The following CBL variants were observed in gnomAD, a reference collection of about 807,000 sequenced individuals.
CBL encodes the protein E3 ubiquitin-protein ligase CBL.
In CBL, 45 loss-of-function variants were observed where a neutral mutation model predicts 96.9. That is an observed-to-expected ratio of 0.46 (90% CI 0.37 to 0.60). CBL has a LOEUF of 0.60. Among genes scored for constraint, CBL ranks in the 20% least tolerant of loss-of-function variants. The pLI, the probability that CBL is intolerant of heterozygous loss-of-function variation, is 0.00. For missense variants in CBL, 1,024 were observed against 1,143.5 expected, an observed-to-expected ratio of 0.90 and a Z score of 1.51; for synonymous variants, 420 against 426.8, an observed-to-expected ratio of 0.98 and a Z score of 0.20.
chr11:119,228,039 G>C (rs150695625), intron 1 of CBL, among the ~76,000 whole-genome samples: 14 of 151,714 alleles, frequency 9.2e-5, no homozygotes, highest in African/African-American at 2.9e-4. Context: ...ATTGGTCTCT[G>C]TCTGAACCTA....
chr11:119,298,678 C>G (rs1218443653), intron 15 of CBL, 138 bp downstream of exon 15: 3 of 803,270 alleles, frequency 3.7e-6, no homozygotes, highest in East Asian at 5.1e-5. Flanking sequence ...GAGGAAAGTC[C>G]CAAGTTAGGA....
chr11:119,227,128 C>T (rs1949465397), intron 1 of CBL, among the ~76,000 whole-genome samples: 1 of 147,684 alleles, frequency 6.8e-6, no homozygotes. Flanking sequence ...TATAACCATT[C>T]TGCCATTCTG....
In CBL at chr11:119,285,262, C is replaced by T. The variant is rs751274314; in HGVS notation, c.1637C>T (p.Pro546Leu). 11 of 1,614,060 alleles carry T rather than the reference C, an allele frequency of 6.8e-6. No individual in the cohort carries two copies. The highest frequency in any genetic ancestry group is 3.3e-5 in the South Asian group (3 of 91,088). ...PPTLRDLPPP[P>L]PPDRPYSVGA... Reference sequence around the variant, plus strand: ...ACACTTCGAGATCTTCCACCACCACCGCCTCCAGACCGGCCATATTCTGTT... The same window carrying T: ...ACACTTCGAGATCTTCCACCACCACTGCCTCCAGACCGGCCATATTCTGTT... The change falls in exon 11 of 16, where the codon CCG becomes CTG. Residue 546 changes from proline to leucine, a missense_variant. Physicochemically the swap from Pro to Leu is moderately conservative, Grantham distance 98. This residue lies in a region of CBL where 695 missense variants were observed against 661.6 expected (regional missense o/e 1.05). Transcript: ENST00000264033.
At chr11:119,292,904 T>TA (rs1430026297) in intron 12 of CBL, among the ~76,000 whole-genome samples, 1 of 152,230 alleles carries the variant, frequency 6.6e-6, no homozygotes, top group African/African-American at 2.4e-5. Flanking sequence ...AAACCCATTG[T>TA]AAATTGAAAG....
At position 119,304,630 on chromosome 11, in the gene CBL, A is replaced by C. The variant is rs886047796; in HGVS notation, c.*4849A>C. The C allele has an allele frequency of 5.5e-5, 11 of 199,222 alleles. No individual in the cohort carries two copies. Among genetic ancestry groups the C allele is most frequent in the Admixed American group, 4.4e-4 (7 of 16,044 alleles). 12.3% of individuals were successfully genotyped at this position (199,222 alleles called of 1,614,324 possible). ...ACAAATTCTCAATTTCCCATACTTA[A>C]TTTTTTTTTTTTTTGAGATGGAGTC... On this transcript the variant is annotated 3_prime_UTR_variant, in exon 16 of 16. Transcript: ENST00000264033.
chr11:119,299,802 G>C lies in CBL; in HGVS notation c.*21G>C. Reference sequence around the variant, plus strand: ...CCTAGCACACCATCTCCCTGCTGCAGGTTTAGAGGACCAGTGAGTTGGGAG... The same window carrying C: ...CCTAGCACACCATCTCCCTGCTGCACGTTTAGAGGACCAGTGAGTTGGGAG... On this transcript the variant is annotated 3_prime_UTR_variant, in exon 16 of 16. Transcript: ENST00000264033. The C allele has an allele frequency of 6.2e-7, 1 of 1,612,618 alleles. No individual in the cohort carries two copies. Among genetic ancestry groups the C allele is most frequent in the Non-Finnish European group, 8.5e-7 (1 of 1,179,440 alleles).
intron 12 of CBL, among the ~76,000 whole-genome samples, chr11:119,293,116 CTT>C: frequency 7.1e-6 from 1 of 141,294 alleles, no homozygotes; most frequent in Middle Eastern, 3.6e-3. Context: ...TTTTTTTTTT[CTT>C]TTTTGAGACA....
At chr11:119,223,676 G>C (rs1316555905) in intron 1 of CBL, among the ~76,000 whole-genome samples, 1 of 151,754 alleles carries the variant, frequency 6.6e-6, no homozygotes, top group Non-Finnish European at 1.5e-5. Flanking sequence ...TGCCAGGCTG[G>C]AGTGCAGTGG....
In CBL at chr11:119,306,377, G is replaced by A. The variant is rs1007840571; in HGVS notation, c.*6596G>A. 5.0e-6 allele frequency: 2 copies of A among 398,798 alleles called. No homozygotes were observed. Among genetic ancestry groups the A allele is most frequent in the African/African-American group, 4.1e-5 (2 of 48,638 alleles). 24.7% of individuals were successfully genotyped at this position (398,798 alleles called of 1,614,324 possible). A position where few individuals can be genotyped will look rare whatever the true frequency, so the allele number is the denominator to read the frequency against. On this transcript the variant is annotated 3_prime_UTR_variant, in exon 16 of 16. Transcript: ENST00000264033. ...GATTGCCTGATTCAGTCCCAAAAAT[G>A]AATGTCAGGCCCCGCCCCCTCCCCA... is the stretch of plus-strand genomic sequence containing the variant.
rs1592397372 is a variant in CBL, at chr11:119,271,858, T to C, written c.567T>C (p.Phe189=). ...FRITKADAAE[F]WRKAFGEKTI... ...TTACTAAAGCAGATGCTGCGGAATT[T>C]TGGAGAAAAGCTTTTGGGGAAAAGT... is the stretch of plus-strand genomic sequence containing the variant. Residue 189 remains phenylalanine, a synonymous_variant, in exon 3 of 16, where the codon TTT becomes TTC. Transcript: ENST00000264033. 10 of 1,614,036 alleles carry C rather than the reference T, an allele frequency of 6.2e-6. No individual in the cohort carries two copies. The highest frequency in any genetic ancestry group is 8.5e-6 in the Non-Finnish European group (10 of 1,179,960).
intron 2 of CBL, among the ~76,000 whole-genome samples, chr11:119,256,176 A>ATAGTATTTG (rs1046204792): frequency 2.7e-5 from 4 of 150,488 alleles, no homozygotes; most frequent in Admixed American, 6.6e-5. Flanking sequence ...ATTCTACTTG[A>ATAGTATTTG]TAGTATTTGT....
At chr11:119,230,908 A>G (rs1949497417) in intron 1 of CBL, among the ~76,000 whole-genome samples, 1 of 152,268 alleles carries the variant, frequency 6.6e-6, no homozygotes, top group Non-Finnish European at 1.5e-5. Flanking sequence ...TTAGAAAACA[A>G]TGATTGTTAC....
chr11:119,210,570 A>G (rs1949307992), intron 1 of CBL, among the ~76,000 whole-genome samples: 2 of 147,660 alleles, frequency 1.4e-5, no homozygotes, highest in African/African-American at 5.0e-5. Flanking sequence ...CTGGGATTAT[A>G]GGCATGCGCC....
At chr11:119,245,173 G>GT (rs55688715) in intron 2 of CBL, among the ~76,000 whole-genome samples, 39,591 of 143,182 alleles carry the variant, frequency 0.28, 5,803 homozygotes, top group South Asian at 0.58. Context: ...TGCCCGACCA[G>GT]TTTTTTTTTT....
chr11:119,271,008 T>G (rs1006612960), intron 2 of CBL, among the ~76,000 whole-genome samples: 5 of 152,244 alleles, frequency 3.3e-5, no homozygotes, highest in African/African-American at 1.2e-4. Flanking sequence ...TCATTTTTGG[T>G]AAAGGAAGAG....
chr11:119,228,570 C>A (rs1339952339), intron 1 of CBL, among the ~76,000 whole-genome samples: 1 of 150,602 alleles, frequency 6.6e-6, no homozygotes, highest in African/African-American at 2.5e-5. Context: ...CGCACCATTG[C>A]ACTCCAGCCT....
At chr11:119,215,576 G>T (rs985353295) in intron 1 of CBL, among the ~76,000 whole-genome samples, 1 of 151,802 alleles carries the variant, frequency 6.6e-6, no homozygotes, top group Non-Finnish European at 1.5e-5. Flanking sequence ...TGAGGCAGGA[G>T]AATCGTTTAA....
chr11:119,221,087 T>TA (rs1949405888), intron 1 of CBL, among the ~76,000 whole-genome samples: 1 of 151,772 alleles, frequency 6.6e-6, no homozygotes, highest in African/African-American at 2.4e-5. Flanking sequence ...CTACTAAAAA[T>TA]ACAAAAATTA....
intron 1 of CBL, among the ~76,000 whole-genome samples, chr11:119,209,552 G>C (rs1949300583): frequency 6.6e-6 from 1 of 152,130 alleles, no homozygotes; most frequent in Non-Finnish European, 1.5e-5. Flanking sequence ...CTGGGGCAGA[G>C]GTTGCAGTGA....
Sources: allele counts gnomAD v4.1 joint callset (sites outside exome capture counted in the v4.1 genomes callset), GRCh38; gene constraint gnomAD v4.1.1; regional missense constraint gnomAD v4.1.1; transcripts MANE v1.5; gene names NCBI Gene and HGNC (gene_info 2026-07-23, HGNC 2026-07-21).